The following SHFL variants were observed in gnomAD, a reference collection of about 807,000 sequenced individuals.
SHFL encodes the protein shiftless antiviral inhibitor of ribosomal frameshifting protein.
Under a neutral mutation model 34.7 loss-of-function variants are expected in SHFL, and 12 were observed. The ratio of observed to expected loss-of-function variants is 0.35; its 90% CI spans 0.22 to 0.56. SHFL has a LOEUF of 0.56. Among genes scored for constraint, SHFL ranks in the 20% least tolerant of loss-of-function variants. SHFL has a pLI of 0.88. For synonymous variants in SHFL, 148 were observed against 156.0 expected, an observed-to-expected ratio of 0.95 and a Z score of 0.38; for missense variants, 278 against 411.1, an observed-to-expected ratio of 0.68 and a Z score of 2.80.
chr19:10,092,699 CGTG>C lies in SHFL; in HGVS notation c.*401_*403del. On this transcript the variant is annotated 3_prime_UTR_variant, in exon 8 of 8. Transcript: ENST00000253110. ...TGGTAGCGGCTTCGGTAGTGGCCGC[CGTG>C]GTGCCACACACCGTTGAGGTTGGAG... is the stretch of plus-strand genomic sequence containing the variant. 1 of 1,614,026 alleles carries C rather than the reference CGTG, an allele frequency of 6.2e-7. No homozygotes were observed. Among genetic ancestry groups the C allele is most frequent in the Middle Eastern group, 1.7e-4 (1 of 6,054 alleles).
rs759094439 is a variant in SHFL, at chr19:10,086,725, C to T, written c.22-204C>T. On this transcript the variant is annotated intron_variant, in intron 1 of 7. Transcript: ENST00000253110. The surrounding 1 kb of genome is among the most constrained non-coding windows in gnomAD (Gnocchi z 5.2). ...CCCCCACACCTTAGGCTGGGACGCT[C>T]GCCCCAGTCCGCGCCTTCCCCCAAC... 28 of 658,980 alleles carry T rather than the reference C, an allele frequency of 4.2e-5. 1 individual carries two copies. The highest frequency in any genetic ancestry group is 2.6e-4 in the South Asian group (13 of 49,114). 40.8% of individuals were successfully genotyped at this position (658,980 alleles called of 1,614,324 possible). A position where few individuals can be genotyped will look rare whatever the true frequency, so the allele number is the denominator to read the frequency against.
In SHFL at chr19:10,091,623, C is replaced by T. The variant is rs1205079255; in HGVS notation, c.636C>T (p.Asn212=). 1.3e-6 allele frequency: 2 copies of T among 1,549,618 alleles called. No individual in the cohort carries two copies. Among genetic ancestry groups the T allele is most frequent in the Admixed American group, 3.9e-5 (2 of 50,830 alleles). The change falls in exon 7 of 8, where the codon AAC becomes AAT. Residue 212 remains asparagine (N), a synonymous_variant. Coordinates refer to ENST00000253110, the MANE Select transcript of SHFL (RefSeq NM_018381.4). This position sits in a 1 kb window ranked among gnomAD's most constrained non-coding sequence, Gnocchi z 8.2. ...CCTGCTCAGCTGCCGACTGCTACAA[C>T]CGGCGAGGTGAGGCTCTTCTCCCCC... is the stretch of plus-strand genomic sequence containing the variant. ...THSCSAADCY[N]RREPHVPGTS...
Position 10,092,158 on chromosome 19 carries a change from C to T in SHFL, c.732C>T (p.His244=). 1.2e-6 allele frequency: 2 copies of T among 1,613,872 alleles called. No individual in the cohort carries two copies. The highest frequency in any genetic ancestry group is 1.7e-6 in the Non-Finnish European group (2 of 1,179,812). Residue 244 remains histidine, a synonymous_variant, in exon 8 of 8, where the codon CAC becomes CAT. Transcript: ENST00000253110. ...AAGTGCTCCACCCCAGCAACCCTCA[C>T]ATTAGCAGTGGCTCCACTGTGGCCA... ...LPKVLHPSNP[H]ISSGSTVATC...
At position 10,091,283 on chromosome 19, in the gene SHFL, G is replaced by C. The variant is rs781143282; in HGVS notation, c.418G>C (p.Glu140Gln). 1 of 1,613,902 alleles carries C rather than the reference G, an allele frequency of 6.2e-7. No homozygotes were observed. The highest frequency in any genetic ancestry group is 8.5e-7 in the Non-Finnish European group (1 of 1,179,840). Residue 140 changes from glutamate (E) to glutamine (Q), a missense_variant, in exon 6 of 8, where the codon GAG becomes CAG. Transcript: ENST00000253110. The surrounding 1 kb of genome is among the most constrained non-coding windows in gnomAD (Gnocchi z 8.2). Reference sequence around the variant, plus strand: ...GTGCCGGAAATGCCGGAAGCGCTACGAGCCAGTGCCAGCTGACAAGATGTG... The same window carrying C: ...GTGCCGGAAATGCCGGAAGCGCTACCAGCCAGTGCCAGCTGACAAGATGTG... Reference protein sequence around the residue: ...SRCRKCRKRYEPVPADKMWGL... With the variant: ...SRCRKCRKRYQPVPADKMWGL...
rs1055807569 is a variant in SHFL, at chr19:10,091,943, A to C, written c.644-127A>C. 12 of 1,172,132 alleles carry C rather than the reference A, an allele frequency of 1.0e-5. No homozygotes were observed. In the South Asian group the frequency reaches 1.6e-4, roughly 16 times the overall value. 72.6% of individuals were successfully genotyped at this position (1,172,132 alleles called of 1,614,324 possible). On this transcript the variant is annotated intron_variant, in intron 7 of 7. Coordinates refer to ENST00000253110, the MANE Select transcript of SHFL (RefSeq NM_018381.4). This position sits in a 1 kb window ranked among gnomAD's most constrained non-coding sequence, Gnocchi z 8.2. ...GTATCTTCAACACCCCTGAATGTCC[A>C]GTTGTGCTGGTCCCCGTATCTGGTG...
Position 10,091,463 on chromosome 19 carries a change from T to G in SHFL, c.489-13T>G. 4.6e-6 allele frequency: 6 copies of G among 1,295,138 alleles called. No homozygotes were observed. Among genetic ancestry groups the G allele is most frequent in the Non-Finnish European group, 6.1e-6 (6 of 991,732 alleles). 80.2% of individuals were successfully genotyped at this position (1,295,138 alleles called of 1,614,324 possible). A position where few individuals can be genotyped will look rare whatever the true frequency, so the allele number is the denominator to read the frequency against. On this transcript the variant is annotated splice_polypyrimidine_tract_variant and intron_variant, in intron 6 of 7. Coordinates refer to ENST00000253110, the MANE Select transcript of SHFL (RefSeq NM_018381.4). This position sits in a 1 kb window ranked among gnomAD's most constrained non-coding sequence, Gnocchi z 8.2. The stretch of plus-strand genomic sequence containing the variant: ...CCTCGCCCTCGGACCCTCACAGCCC[T>G]GCCCGCCCCCAGGGGCTGGGCACAG...
intron 5 of SHFL, 146 bp downstream of exon 5, chr19:10,090,193 T>C: frequency 2.2e-6 from 2 of 913,294 alleles, no homozygotes; most frequent in East Asian, 5.3e-5. Flanking sequence ...AGCCTTGATC[T>C]CTGATCCCAA....
At position 10,086,955 on chromosome 19, in the gene SHFL, G is replaced by T; in HGVS notation, c.48G>T (p.Arg16=). Residue 16 remains arginine (R), a synonymous_variant, in exon 2 of 8, where the codon CGG becomes CGT. Transcript: ENST00000253110. This position sits in a 1 kb window ranked among gnomAD's most constrained non-coding sequence, Gnocchi z 5.2. ...TGGAGAAGAGCGTCCGGCGCCTCCG[G>T]GAGAAGTTTCATGGGAAGGTATCCT... ...VELEKSVRRL[R]EKFHGKVSSK... 6.2e-7 allele frequency: 1 copy of T among 1,613,872 alleles called. No homozygotes were observed. The highest frequency in any genetic ancestry group is 8.5e-7 in the Non-Finnish European group (1 of 1,179,852).
intron 3 of SHFL, chr19:10,089,142 G>A (rs1403127748): frequency 3.0e-6 from 2 of 660,138 alleles, no homozygotes; most frequent in African/African-American, 3.7e-5. Context: ...TCACTTGCCA[G>A]CAAGCAGGGG....
In SHFL at chr19:10,091,648, C is replaced by A. The variant is rs2088392785; in HGVS notation, c.643+18C>A. The A allele has an allele frequency of 6.5e-7, 1 of 1,539,734 alleles. No homozygotes were observed. The highest frequency in any genetic ancestry group is 1.2e-5 in the South Asian group (1 of 82,774). ...CCGGCGAGGTGAGGCTCTTCTCCCC[C>A]AACAGCCTGGACAGTCTTTGTCCCC... is the stretch of plus-strand genomic sequence containing the variant. On this transcript the variant is annotated intron_variant, in intron 7 of 7. Transcript: ENST00000253110. The surrounding 1 kb of genome is among the most constrained non-coding windows in gnomAD (Gnocchi z 8.2).
Position 10,086,501 on chromosome 19 carries a change from C to T in SHFL, c.21+53C>T. On this transcript the variant is annotated intron_variant, in intron 1 of 7. Coordinates refer to ENST00000253110, the MANE Select transcript of SHFL (RefSeq NM_018381.4). This position sits in a 1 kb window ranked among gnomAD's most constrained non-coding sequence, Gnocchi z 5.2. ...GTCAGCCGCGACAGACCCCGAGGAG[C>T]GGCCGGGAGGCGCGGAGGGGGCTTC... The T allele has an allele frequency of 1.5e-6, 2 of 1,331,222 alleles. No individual in the cohort carries two copies. Among genetic ancestry groups the T allele is most frequent in the East Asian group, 2.8e-5 (1 of 35,192 alleles). The allele number at this position is 1,331,222 out of a possible 1,614,324, so 82.5% of individuals were successfully genotyped here. A position where few individuals can be genotyped will look rare whatever the true frequency, so the allele number is the denominator to read the frequency against.
In SHFL at chr19:10,091,660, C is replaced by T; in HGVS notation, c.643+30C>T. 6.5e-7 allele frequency: 1 copy of T among 1,528,048 alleles called. No homozygotes were observed. The allele number at this position is 1,528,048 out of a possible 1,614,324, so 94.7% of individuals were successfully genotyped here. On this transcript the variant is annotated intron_variant, in intron 7 of 7. Coordinates refer to ENST00000253110, the MANE Select transcript of SHFL (RefSeq NM_018381.4). The surrounding 1 kb of genome is among the most constrained non-coding windows in gnomAD (Gnocchi z 8.2). ...GGCTCTTCTCCCCCAACAGCCTGGA[C>T]AGTCTTTGTCCCCTTCTGTGCCTTT...
chr19:10,091,963 C>A lies in SHFL; in HGVS notation c.644-107C>A. 1 of 1,351,698 alleles carries A rather than the reference C, an allele frequency of 7.4e-7. No homozygotes were observed. The highest frequency in any genetic ancestry group is 1.0e-6 in the Non-Finnish European group (1 of 977,682). 83.7% of individuals were successfully genotyped at this position (1,351,698 alleles called of 1,614,324 possible). ...TGTCCAGTTGTGCTGGTCCCCGTAT[C>A]TGGTGGTCTCAGCTCCTCCCTAGAG... On this transcript the variant is annotated intron_variant, in intron 7 of 7. Coordinates refer to ENST00000253110, the MANE Select transcript of SHFL (RefSeq NM_018381.4). This position sits in a 1 kb window ranked among gnomAD's most constrained non-coding sequence, Gnocchi z 8.2.
At position 10,086,440 on chromosome 19, in the gene SHFL, G is replaced by A. The variant is rs1348943257; in HGVS notation, c.13G>A (p.Gly5Ser). The change falls in exon 1 of 8, where the codon GGT becomes AGT. Residue 5 changes from glycine to serine, a missense_variant. Coordinates refer to ENST00000253110, the MANE Select transcript of SHFL (RefSeq NM_018381.4). This position sits in a 1 kb window ranked among gnomAD's most constrained non-coding sequence, Gnocchi z 5.2. MSQEGVELEKSVRRL... is the reference protein window; with the variant it reads MSQESVELEKSVRRL... The stretch of plus-strand genomic sequence containing the variant: ...CGCCGCCGCCACCATGTCTCAGGAA[G>A]GTGTGGAGGTAAGCGATGGCTACGG... 2.1e-5 allele frequency: 29 copies of A among 1,364,178 alleles called. No individual in the cohort carries two copies. Among genetic ancestry groups the A allele is most frequent in the Non-Finnish European group, 2.7e-5 (28 of 1,050,386 alleles). 84.5% of individuals were successfully genotyped at this position (1,364,178 alleles called of 1,614,324 possible).
chr19:10,092,044 T>G, intron 7 of SHFL, 26 bp from the exon 8 acceptor site: 6 of 1,613,640 alleles, frequency 3.7e-6, no homozygotes, highest in Non-Finnish European at 5.1e-6. Flanking sequence ...TCCAGCCCCA[T>G]GTCTGCAGCA....
intron 3 of SHFL, chr19:10,087,543 TAAGC>T (rs1350518606): frequency 1.7e-6 from 1 of 574,552 alleles, no homozygotes; most frequent in Non-Finnish European, 3.1e-6. Context: ...GCCATGAAAC[TAAGC>T]AATGAAAGGA....
rs751261323 is a variant in SHFL, at chr19:10,091,234, TG to T, written c.385-15del. ...CCTTGGTCCCCTCTCTGTACCTTCC[TG>T]CCCACCACCACCAGGTATCCCGGTG... On this transcript the variant is annotated splice_polypyrimidine_tract_variant and intron_variant, in intron 5 of 7. Coordinates refer to ENST00000253110, the MANE Select transcript of SHFL (RefSeq NM_018381.4). The surrounding 1 kb of genome is among the most constrained non-coding windows in gnomAD (Gnocchi z 8.2). 1 of 1,611,166 alleles carries T rather than the reference TG, an allele frequency of 6.2e-7. No individual in the cohort carries two copies. Among genetic ancestry groups the T allele is most frequent in the African/African-American group, 1.3e-5 (1 of 74,994 alleles).
At position 10,092,275 on chromosome 19, in the gene SHFL, G is replaced by A; in HGVS notation, c.849G>A (p.Glu283=). 6.3e-7 allele frequency: 1 copy of A among 1,593,316 alleles called. No homozygotes were observed. Among genetic ancestry groups the A allele is most frequent in the Non-Finnish European group, 8.5e-7 (1 of 1,170,152 alleles). The change falls in exon 8 of 8, where the codon GAG becomes GAA. Residue 283 remains glutamate (E), a synonymous_variant. Coordinates refer to ENST00000253110, the MANE Select transcript of SHFL (RefSeq NM_018381.4). The stretch of plus-strand genomic sequence containing the variant: ...AGGAGGAGGAAGAGGAGGAGGTGGA[G>A]GACGAGGAGGGCGGGCCCAGGGAGT... ...KEEEEEEEEV[E]DEEGGPRE is the part of the protein sequence containing the mutation.
At chr19:10,089,128 G>A (rs775827335) in intron 3 of SHFL, 7 of 645,528 alleles carry the variant, frequency 1.1e-5, no homozygotes, top group African/African-American at 3.7e-5. Flanking sequence ...AACTGAGGCC[G>A]AAGTCACTTG....
Sources: gnomAD v4.1 joint callset for allele counts on GRCh38, gnomAD v4.1.1 for gene constraint, Gnocchi (gnomAD v3.1) non-coding constraint, MANE v1.5 for transcripts, NCBI Gene and HGNC (gene_info 2026-07-23, HGNC 2026-07-21) for gene names.